TPST1: variants seen among roughly 807,000 people sequenced by gnomAD.
The protein encoded by TPST1 is protein-tyrosine sulfotransferase 1.
TPST1 carries 20 observed loss-of-function variants against 34.8 expected under a neutral mutation model. That is an observed-to-expected ratio of 0.57 (90% CI 0.40 to 0.84). The LOEUF is 0.84. Ranked by LOEUF, TPST1 falls within the 40% of genes least tolerant of loss-of-function variation. TPST1 has a pLI of 0.00. For synonymous variants in TPST1, 152 were observed against 159.4 expected (o/e 0.95, Z 0.35); for missense variants, 353 against 455.5 (o/e 0.78, Z 2.05).
intron 2 of TPST1, among the ~76,000 whole-genome samples, chr7:66,257,493 A>C (rs1457615738): frequency 1.3e-5 from 2 of 152,168 alleles, no homozygotes; most frequent in African/African-American, 4.8e-5. Context: ...GAAAGGTAGC[A>C]TGTGTTAGCA....
At position 66,233,060 on chromosome 7, in the gene TPST1, TTTA is replaced by T. The variant is rs574256605; in HGVS notation, c.-101-7262_-101-7260del. On this transcript the variant is annotated intron_variant, in intron 1 of 5. Coordinates refer to ENST00000304842, the MANE Select transcript of TPST1 (RefSeq NM_003596.4). The stretch of plus-strand genomic sequence containing the variant: ...CCATTTTAAAATTGTTATTTATCTT[TTTA>T]TTGTTGAATTGTAATAGTTTTTTAC... 1.8e-4 allele frequency among the ~76,000 whole-genome samples: 27 copies of T among 152,356 alleles called. 1 individual carries two copies. In the South Asian group the frequency reaches 3.7e-3, roughly 21 times the overall value.
intron 4 of TPST1, chr7:66,352,867 G>A (rs935149498): frequency 5.0e-5 from 49 of 985,288 alleles, no homozygotes; most frequent in African/African-American, 7.0e-5. Context: ...CTGCTCCAGC[G>A]TTCCAGTGCC....
intron 2 of TPST1, among the ~76,000 whole-genome samples, chr7:66,244,615 G>A (rs1242960828): frequency 6.6e-6 from 1 of 152,168 alleles, no homozygotes; most frequent in Non-Finnish European, 1.5e-5. Flanking sequence ...CTCATGGTTT[G>A]TGGAATTTTT....
chr7:66,345,489 C>CAAAAAA (rs58837242), intron 3 of TPST1, among the ~76,000 whole-genome samples: 4 of 64,870 alleles, frequency 6.2e-5, no homozygotes, highest in Middle Eastern at 9.4e-3. Flanking sequence ...ACTCCATCTC[C>CAAAAAA]AAAAAAAAAA....
At chr7:66,275,888 G>A (rs1458177572) in intron 2 of TPST1, among the ~76,000 whole-genome samples, 1 of 152,002 alleles carries the variant, frequency 6.6e-6, no homozygotes, top group Non-Finnish European at 1.5e-5. Context: ...ACAAAAAAGT[G>A]ATTATGTGAG....
chr7:66,244,044 G>T (rs551130745), intron 2 of TPST1, among the ~76,000 whole-genome samples: 44 of 149,706 alleles, frequency 2.9e-4, no homozygotes, highest in African/African-American at 1.1e-3. Flanking sequence ...GGCCTCCCAG[G>T]TTCACGCCAT....
chr7:66,306,181 T>C (rs993578167), intron 3 of TPST1, among the ~76,000 whole-genome samples: 5 of 152,222 alleles, frequency 3.3e-5, no homozygotes, highest in African/African-American at 1.2e-4. Context: ...ACTGTTATCT[T>C]GTATAGACTC....
At chr7:66,312,594 T>C (rs1791551840) in intron 3 of TPST1, among the ~76,000 whole-genome samples, 3 of 152,122 alleles carry the variant, frequency 2.0e-5, no homozygotes, top group Admixed American at 1.3e-4. Flanking sequence ...ATTTAAAAAA[T>C]CCCTTTAAAA....
chr7:66,327,926 A>C (rs1171046723), intron 3 of TPST1, among the ~76,000 whole-genome samples: 1 of 150,084 alleles, frequency 6.7e-6, no homozygotes, highest in African/African-American at 2.5e-5. Flanking sequence ...CACAGCCTGC[A>C]GGCCAAATCT....
At chr7:66,213,583 G>A (rs758263127) in intron 1 of TPST1, among the ~76,000 whole-genome samples, 4 of 152,084 alleles carry the variant, frequency 2.6e-5, no homozygotes, top group Non-Finnish European at 4.4e-5. Context: ...GTGAAACCTC[G>A]TCTCTACTAA....
chr7:66,286,610 A>G lies in TPST1; in HGVS notation c.945A>G (p.Ala315=). ...KIPPDVLQDM[A]VIAPMLAKLG... is the part of the protein sequence containing the mutation. ...CGCCAGATGTTTTACAAGACATGGC[A>G]GTGATTGCTCCTATGCTTGCCAAGC... The change falls in exon 3 of 6, where the codon GCA becomes GCG. Residue 315 remains alanine (A), a synonymous_variant. Coordinates refer to ENST00000304842, the MANE Select transcript of TPST1 (RefSeq NM_003596.4). 6.2e-7 allele frequency: 1 copy of G among 1,610,502 alleles called. No individual in the cohort carries two copies.
intron 1 of TPST1, among the ~76,000 whole-genome samples, chr7:66,239,194 T>C (rs957852318): frequency 1.3e-5 from 2 of 152,208 alleles, no homozygotes; most frequent in Admixed American, 6.5e-5. Context: ...CAGTGTGGGC[T>C]GGTCTCGAAC....
At chr7:66,311,553 C>G (rs922847964) in intron 3 of TPST1, among the ~76,000 whole-genome samples, 4 of 152,312 alleles carry the variant, frequency 2.6e-5, no homozygotes, top group Admixed American at 2.0e-4. Flanking sequence ...CTCAGTCTTT[C>G]TTCTGATGCA....
intron 2 of TPST1, among the ~76,000 whole-genome samples, chr7:66,253,354 T>C (rs1015861459): frequency 6.6e-6 from 1 of 151,898 alleles, no homozygotes; most frequent in Admixed American, 6.6e-5. Flanking sequence ...CATTATTCTT[T>C]TAGTGAGATC....
At chr7:66,313,456 G>A (rs1297261041) in intron 3 of TPST1, among the ~76,000 whole-genome samples, 2 of 152,006 alleles carry the variant, frequency 1.3e-5, no homozygotes, top group African/African-American at 4.8e-5. Context: ...AAATTATGCT[G>A]GCTACAAAAT....
intron 3 of TPST1, among the ~76,000 whole-genome samples, chr7:66,325,720 G>A (rs3893216): frequency 6.6e-6 from 1 of 151,956 alleles, no homozygotes; most frequent in Non-Finnish European, 1.5e-5. Flanking sequence ...ACCGCAACCT[G>A]TGCCTCCCGG....
At chr7:66,356,646 C>G (rs551196778) in intron 4 of TPST1, among the ~76,000 whole-genome samples, 179 bp from the exon 5 acceptor site, 1 of 152,288 alleles carries the variant, frequency 6.6e-6, no homozygotes, top group East Asian at 1.9e-4. Flanking sequence ...TTCGGCATTT[C>G]CCTCCCAGGA....
intron 3 of TPST1, among the ~76,000 whole-genome samples, chr7:66,295,336 A>C (rs1441020183): frequency 6.6e-6 from 1 of 152,148 alleles, no homozygotes; most frequent in East Asian, 1.9e-4. Flanking sequence ...CTCTACAAAA[A>C]ATACAAAAGT....
At chr7:66,294,454 G>A (rs897600966) in intron 3 of TPST1, among the ~76,000 whole-genome samples, 6 of 151,700 alleles carry the variant, frequency 4.0e-5, no homozygotes, top group Non-Finnish European at 8.8e-5. Context: ...TAATTTCTAT[G>A]TGAATTCCTT....
Sources: gnomAD v4.1 joint callset for allele counts (sites outside exome capture counted in the v4.1 genomes callset) on GRCh38, gnomAD v4.1.1 for gene constraint, MANE v1.5 for transcripts, NCBI Gene and HGNC (gene_info 2026-07-23, HGNC 2026-07-21) for gene names.